Variants in KCNG3 observed in about 807,000 individuals in gnomAD.
KCNG3 encodes the protein voltage-gated potassium channel regulatory subunit KCNG3.
Under a neutral mutation model 29.0 loss-of-function variants are expected in KCNG3, and 15 were observed. The ratio of observed to expected loss-of-function variants is 0.52; its 90% CI spans 0.35 to 0.80. The LOEUF is 0.80. Among genes scored for constraint, KCNG3 ranks in the 30% least tolerant of loss-of-function variants. KCNG3 has a pLI of 0.01. For missense variants in KCNG3, 512 were observed against 605.7 expected (o/e 0.85, Z 1.62); for synonymous variants, 322 against 248.9 (o/e 1.29, Z -2.76).
At chr2:42,425,325 G>T in the KCNG3 span, among the ~76,000 whole-genome samples, 6 of 151,262 alleles carry the variant, frequency 4.0e-5, no homozygotes, top group Non-Finnish European at 5.9e-5. Context: ...CTTGAACCCG[G>T]GAGACAGAGG....
chr2:42,398,257 AAAT>A, the KCNG3 span, among the ~76,000 whole-genome samples: 46 of 109,778 alleles, frequency 4.2e-4, no homozygotes, highest in South Asian at 2.3e-3. Context: ...ATAAATAAAT[AAAT>A]AAATAAAATA....
the KCNG3 span, among the ~76,000 whole-genome samples, chr2:42,398,526 T>A: frequency 6.6e-6 from 1 of 152,166 alleles, no homozygotes; most frequent in Non-Finnish European, 1.5e-5. Flanking sequence ...CATTGTAACC[T>A]TCCAGATTAA....
the KCNG3 span, among the ~76,000 whole-genome samples, chr2:42,430,132 C>CTGT: frequency 2.0e-5 from 3 of 152,130 alleles, no homozygotes; most frequent in East Asian, 1.9e-4. Context: ...TTTGGGTGGC[C>CTGT]AAGGCAGGCA....
At chr2:42,397,274 G>C in the KCNG3 span, among the ~76,000 whole-genome samples, 1 of 151,786 alleles carries the variant, frequency 6.6e-6, no homozygotes, top group African/African-American at 2.4e-5. Flanking sequence ...AAAAAGCAAT[G>C]AGAAAAAACT....
intron 1 of KCNG3, among the ~76,000 whole-genome samples, chr2:42,453,759 G>T (rs1216837535): frequency 6.6e-6 from 1 of 151,986 alleles, no homozygotes; most frequent in Non-Finnish European, 1.5e-5. Flanking sequence ...ATGCTGGTGG[G>T]GTACTGCTCA....
At chr2:42,464,422 G>T (rs1017435862) in intron 1 of KCNG3, among the ~76,000 whole-genome samples, 3 of 152,068 alleles carry the variant, frequency 2.0e-5, no homozygotes, top group African/African-American at 2.4e-5. Flanking sequence ...AGACTATAAG[G>T]TCTTCCTGAA....
the KCNG3 span, among the ~76,000 whole-genome samples, chr2:42,424,421 C>A: frequency 1.4e-5 from 2 of 148,014 alleles, no homozygotes; most frequent in Non-Finnish European, 3.0e-5. Context: ...TATGAAAATT[C>A]CCCCTCCGTC....
the KCNG3 span, among the ~76,000 whole-genome samples, chr2:42,412,309 T>C: frequency 1.2e-4 from 19 of 152,370 alleles, no homozygotes; most frequent in African/African-American, 4.3e-4. Context: ...AAATTATATA[T>C]GTGAAGGCCT....
intron 1 of KCNG3, among the ~76,000 whole-genome samples, chr2:42,487,343 CTT>C (rs1673750844): frequency 9.8e-6 from 1 of 102,204 alleles, no homozygotes; most frequent in Non-Finnish European, 1.7e-5. Flanking sequence ...TTTTTTTTTT[CTT>C]TCTTTTTTTT....
chr2:42,466,706 G>A (rs541092020), intron 1 of KCNG3, among the ~76,000 whole-genome samples: 1 of 151,274 alleles, frequency 6.6e-6, no homozygotes, highest in Non-Finnish European at 1.5e-5. Flanking sequence ...AAAGTTAATT[G>A]TGGTTTTTGC....
At chr2:42,413,594 C>T in the KCNG3 span, 3 of 151,800 alleles carry the variant, frequency 2.0e-5, no homozygotes, top group Admixed American at 6.6e-5. Flanking sequence ...TTTATTAGTC[C>T]GTTCTCACAC....
chr2:42,422,376 C>G, the KCNG3 span, among the ~76,000 whole-genome samples: 1 of 152,080 alleles, frequency 6.6e-6, no homozygotes, highest in Non-Finnish European at 1.5e-5. Context: ...CTAGAAGGCC[C>G]TCACCAGAGG....
At chr2:42,484,892 G>T (rs191692115) in intron 1 of KCNG3, among the ~76,000 whole-genome samples, 23 of 152,260 alleles carry the variant, frequency 1.5e-4, no homozygotes, top group Non-Finnish European at 2.9e-4. Context: ...GAGGTTCTGG[G>T]TTATGTACAA....
At chr2:42,405,844 G>A in the KCNG3 span, among the ~76,000 whole-genome samples, 7 of 152,044 alleles carry the variant, frequency 4.6e-5, no homozygotes, top group Admixed American at 2.6e-4. Context: ...CTGACCTCGT[G>A]ACCTGCCCGC....
rs924914384 is a variant in KCNG3 at position 42,443,424 on chromosome 2, G to C, written c.*510C>G. Reference sequence around the variant, plus strand: ...TGCTTGTATCTAGCTCCATTATACAGTTTAAATTTTGGCCAAATTTTTAAA... The same window carrying C: ...TGCTTGTATCTAGCTCCATTATACACTTTAAATTTTGGCCAAATTTTTAAA... On this transcript the variant is annotated 3_prime_UTR_variant, in exon 2 of 2. Coordinates refer to ENST00000306078, the MANE Select transcript of KCNG3 (RefSeq NM_133329.6). The C allele has an allele frequency of 2.5e-4, 39 of 153,206 alleles. No homozygotes were observed. Among genetic ancestry groups the C allele is most frequent in the African/African-American group, 9.2e-4 (38 of 41,436 alleles). The allele number at this position is 153,206 out of a possible 1,614,324, so 9.5% of individuals were successfully genotyped here.
At chr2:42,481,413 G>A (rs938321964) in intron 1 of KCNG3, among the ~76,000 whole-genome samples, 2 of 152,104 alleles carry the variant, frequency 1.3e-5, no homozygotes, top group African/African-American at 4.8e-5. Context: ...AGCTAGCCAA[G>A]AAACCCACCC....
the KCNG3 span, among the ~76,000 whole-genome samples, chr2:42,406,224 AT>A: frequency 1.3e-3 from 191 of 145,626 alleles, 1 homozygote; most frequent in Middle Eastern, 3.6e-3. Context: ...TAACACATTA[AT>A]TTTTTTTTTT....
the KCNG3 span, among the ~76,000 whole-genome samples, chr2:42,432,773 A>G: frequency 2.6e-5 from 4 of 152,318 alleles, no homozygotes; most frequent in African/African-American, 9.6e-5. Flanking sequence ...AACTGTTTAA[A>G]AACCATCAAC....
At chr2:42,465,623 A>G (rs906822215) in intron 1 of KCNG3, among the ~76,000 whole-genome samples, 5 of 152,198 alleles carry the variant, frequency 3.3e-5, no homozygotes, top group African/African-American at 1.2e-4. Flanking sequence ...GAAAATACTG[A>G]TAAATTAGAC....
Sources: allele counts gnomAD v4.1 joint callset (sites outside exome capture counted in the v4.1 genomes callset), GRCh38; gene constraint gnomAD v4.1.1; transcripts MANE v1.5; gene names NCBI Gene and HGNC (gene_info 2026-07-23, HGNC 2026-07-21).